The following HDGFL3 variants were observed in gnomAD, a reference collection of about 807,000 sequenced individuals.
HDGFL3 encodes the protein HDGF like 3.
HDGFL3 carries 6 observed loss-of-function variants against 27.6 expected under a neutral mutation model. The observed-to-expected ratio is 0.22, with a 90% confidence interval of 0.12 to 0.43. HDGFL3 has a LOEUF of 0.43. HDGFL3 is among the 20% of genes least tolerant of loss of function. The pLI is 1.00. For synonymous variants in HDGFL3, 88 were observed against 88.9 expected (o/e 0.99, Z 0.05); for missense variants, 207 against 250.1 (o/e 0.83, Z 1.16).
At chr15:83,202,355 G>A (rs2037657811) in intron 1 of HDGFL3, among the ~76,000 whole-genome samples, 1 of 152,060 alleles carries the variant, frequency 6.6e-6, no homozygotes, top group Admixed American at 6.6e-5. Context: ...GTTAAAGAAA[G>A]CTAGATCAAA....
At chr15:83,167,282 G>C (rs147731009) in intron 1 of HDGFL3, among the ~76,000 whole-genome samples, 1 of 152,196 alleles carries the variant, frequency 6.6e-6, no homozygotes, top group African/African-American at 2.4e-5. Flanking sequence ...AAGGCTGAGC[G>C]TGGTGGCTCA....
intron 4 of HDGFL3, among the ~76,000 whole-genome samples, chr15:83,156,171 T>C (rs1001769218): frequency 6.6e-6 from 1 of 152,212 alleles, no homozygotes; most frequent in Non-Finnish European, 1.5e-5. Context: ...AACTCTTCCC[T>C]GCCTCAGAGC....
At chr15:83,206,826 T>A (rs181802549) in intron 1 of HDGFL3, among the ~76,000 whole-genome samples, 11 of 152,266 alleles carry the variant, frequency 7.2e-5, no homozygotes, top group Non-Finnish European at 1.5e-4. Context: ...GGCAAAGAGA[T>A]GGATGAATGA....
chr15:83,158,903 G>A (rs2037064368), intron 2 of HDGFL3, among the ~76,000 whole-genome samples: 1 of 152,030 alleles, frequency 6.6e-6, no homozygotes, highest in Admixed American at 6.6e-5. Flanking sequence ...GAGTGCAATG[G>A]TATGATCTCG....
intron 1 of HDGFL3, among the ~76,000 whole-genome samples, chr15:83,165,114 C>T (rs575043637): frequency 2.6e-5 from 4 of 152,214 alleles, no homozygotes; most frequent in South Asian, 2.1e-4. Flanking sequence ...TCTGGTTATA[C>T]GCCAGCTTCC....
intron 1 of HDGFL3, chr15:83,184,574 A>C (rs1053362657): frequency 7.9e-5 from 12 of 152,216 alleles, no homozygotes; most frequent in African/African-American, 2.7e-4. Context: ...ATCTGAAATA[A>C]GGTACTTAGT....
intron 1 of HDGFL3, among the ~76,000 whole-genome samples, chr15:83,199,124 G>A (rs1330667219): frequency 6.6e-6 from 1 of 152,066 alleles, no homozygotes; most frequent in Non-Finnish European, 1.5e-5. Context: ...GTAGTCCAGG[G>A]AAGGAGATAA....
At chr15:83,166,119 A>G (rs914130598) in intron 1 of HDGFL3, among the ~76,000 whole-genome samples, 11 of 152,290 alleles carry the variant, frequency 7.2e-5, no homozygotes, top group African/African-American at 2.6e-4. Context: ...GTAAAATACT[A>G]TACAAAATGA....
chr15:83,202,275 G>C (rs2037656969), intron 1 of HDGFL3, among the ~76,000 whole-genome samples: 1 of 152,118 alleles, frequency 6.6e-6, no homozygotes, highest in African/African-American at 2.4e-5. Context: ...AGTTCAGTAA[G>C]AGCTCAGCTC....
intron 1 of HDGFL3, among the ~76,000 whole-genome samples, chr15:83,183,082 C>T (rs116404007): frequency 0.012 from 1,825 of 152,246 alleles, 44 homozygotes; most frequent in African/African-American, 0.043. Context: ...ATATCCTTTT[C>T]TCTTAAAATG....
chr15:83,181,456 G>A (rs942164756), intron 1 of HDGFL3, among the ~76,000 whole-genome samples: 1 of 152,064 alleles, frequency 6.6e-6, no homozygotes, highest in Non-Finnish European at 1.5e-5. Context: ...AAACCTCCAG[G>A]GTTTATCCTT....
chr15:83,168,450 CG>C (rs926949291), intron 1 of HDGFL3, among the ~76,000 whole-genome samples: 8 of 152,116 alleles, frequency 5.3e-5, no homozygotes, highest in African/African-American at 1.9e-4. Flanking sequence ...TAAGCACAAT[CG>C]GAAGTGACTA....
In HDGFL3 at chr15:83,133,569, C is replaced by T. The variant is rs2036403457; in HGVS notation, c.*5701G>A. 1.3e-5 allele frequency: 2 copies of T among 152,180 alleles called. No individual in the cohort carries two copies. The highest frequency in any genetic ancestry group is 4.1e-4 in the South Asian group (2 of 4,828). The allele number at this position is 152,180 out of a possible 1,614,324, so 9.4% of individuals were successfully genotyped here. A position where few individuals can be genotyped will look rare whatever the true frequency, so the allele number is the denominator to read the frequency against. ...GAAGAAAAATTATTAGGGACTCAAC[C>T]TCACATTGCTAAATTCTGGAGAAAT... On this transcript the variant is annotated 3_prime_UTR_variant, in exon 6 of 6. Coordinates refer to ENST00000299633, the MANE Select transcript of HDGFL3 (RefSeq NM_016073.4).
Position 83,157,885 on chromosome 15 carries a change from A to G in HDGFL3, c.300+18T>C, listed in dbSNP as rs779973578. 1.2e-6 allele frequency: 2 copies of G among 1,605,704 alleles called. No homozygotes were observed. The highest frequency in any genetic ancestry group is 1.7e-6 in the Non-Finnish European group (2 of 1,175,826). ...AAAGAAATGAGATATAGCAAGTGAC[A>G]AGGAAGTAAACCATTACCTGGTAGC... is the stretch of plus-strand genomic sequence containing the variant. On this transcript the variant is annotated intron_variant, in intron 3 of 5. Coordinates refer to ENST00000299633, the MANE Select transcript of HDGFL3 (RefSeq NM_016073.4).
At chr15:83,178,419 T>C (rs2037339186) in intron 1 of HDGFL3, among the ~76,000 whole-genome samples, 1 of 152,210 alleles carries the variant, frequency 6.6e-6, no homozygotes, top group Non-Finnish European at 1.5e-5. Context: ...GTGTTGACTC[T>C]TGTCATACTC....
At chr15:83,118,342 C>T (rs973871911) in intron 3 of HDGFL3, among the ~76,000 whole-genome samples, 11 of 151,938 alleles carry the variant, frequency 7.2e-5, no homozygotes, top group African/African-American at 1.2e-4. Context: ...AGAGTTCAGG[C>T]GAGTTGAAAG....
At chr15:83,174,976 A>G (rs1945608177) in intron 1 of HDGFL3, among the ~76,000 whole-genome samples, 1 of 152,242 alleles carries the variant, frequency 6.6e-6, no homozygotes, top group East Asian at 1.9e-4. Flanking sequence ...CCTAAAAACT[A>G]GAAGATTCAG....
At chr15:83,114,389 G>A (rs1339238596) in exon 4 of HDGFL3, 1 of 152,240 alleles carries the variant, frequency 6.6e-6, no homozygotes, top group Non-Finnish European at 1.5e-5. Context: ...CACTTGTGTT[G>A]TCATCAGCAA....
rs1285513133 is a variant in HDGFL3 at position 83,129,673 on chromosome 15, T to A, written c.*9597A>T. 2.6e-5 allele frequency: 4 copies of A among 152,072 alleles called. No homozygotes were observed. In the East Asian group the frequency reaches 7.7e-4, roughly 29 times the overall value. 9.4% of individuals were successfully genotyped at this position (152,072 alleles called of 1,614,324 possible). ...GCAAACAATGAACTATGGCACAGAG[T>A]CCTACAGCACAAAAGACTGTATGTA... On this transcript the variant is annotated 3_prime_UTR_variant, in exon 6 of 6. Transcript: ENST00000299633.
Sources: allele counts gnomAD v4.1 joint callset (sites outside exome capture counted in the v4.1 genomes callset), GRCh38; gene constraint gnomAD v4.1.1; transcripts MANE v1.5; gene names NCBI Gene and HGNC (gene_info 2026-07-23, HGNC 2026-07-21).